SYNE3: variants seen among roughly 807,000 people sequenced by gnomAD.
SYNE3 encodes the protein nesprin-3.
A neutral mutation model predicts 111.2 loss-of-function variants in SYNE3; 100 were observed. That is an observed-to-expected ratio of 0.90 (90% CI 0.77 to 1.06). The LOEUF (loss-of-function observed/expected upper bound fraction) is 1.06, where lower values mean the gene tolerates loss of function less well. SYNE3 is among the 50% of genes least tolerant of loss of function. SYNE3 has a pLI of 0.00. For missense variants in SYNE3, 1,160 were observed against 1,240.3 expected (o/e 0.94, Z 0.97); for synonymous variants, 547 against 533.9 (o/e 1.02, Z -0.34).
chr14:95,507,877 A>G (rs919002044), intron 1 of SYNE3, among the ~76,000 whole-genome samples: 1 of 152,174 alleles, frequency 6.6e-6, no homozygotes, highest in African/African-American at 2.4e-5. Flanking sequence ...CAGAGAAGAC[A>G]GGGTAGGGTG....
chr14:95,452,847 G>C (rs568553758), intron 6 of SYNE3, among the ~76,000 whole-genome samples: 14 of 152,230 alleles, frequency 9.2e-5, no homozygotes, highest in Non-Finnish European at 1.3e-4. Flanking sequence ...CCGGACATCA[G>C]AGCAGGGCCT....
At chr14:95,511,792 C>A (rs1890731398) in intron 1 of SYNE3, among the ~76,000 whole-genome samples, 1 of 152,112 alleles carries the variant, frequency 6.6e-6, no homozygotes, top group African/African-American at 2.4e-5. Flanking sequence ...TACTTCCCGT[C>A]TCTCTCCCTG....
At chr14:95,430,851 T>C (rs1885720848) in intron 17 of SYNE3, among the ~76,000 whole-genome samples, 1 of 150,182 alleles carries the variant, frequency 6.7e-6, no homozygotes, top group Non-Finnish European at 1.5e-5. Flanking sequence ...CTCCATTTTA[T>C]AGATGGGGAA....
intron 16 of SYNE3, among the ~76,000 whole-genome samples, chr14:95,432,508 C>T (rs143135601): frequency 0.012 from 1,807 of 152,286 alleles, 21 homozygotes; most frequent in Admixed American, 0.029. Flanking sequence ...ACTTAGGGAC[C>T]TAGGAAACTT....
At chr14:95,421,745 C>T (rs1418467397) in intron 17 of SYNE3, among the ~76,000 whole-genome samples, 1 of 152,230 alleles carries the variant, frequency 6.6e-6, no homozygotes, top group Non-Finnish European at 1.5e-5. Flanking sequence ...ATCATCACCT[C>T]CAGTCCCATC....
rs766717375 is a variant in SYNE3 at position 95,417,999 on chromosome 14, G to T, written c.2755C>A (p.Leu919Ile). ...KTRRWRGLGS[L>I]FRRACCVALP... ...GCCACACAGCACGCCCTCCGGAAGA[G>T]GGAGCCCAGTCCTCGCCACCGCCGA... The change falls in exon 18 of 18, where the codon CTC becomes ATC. Residue 919 changes from leucine to isoleucine, a missense_variant. Transcript: ENST00000682763. 6.2e-7 allele frequency: 1 copy of T among 1,611,696 alleles called. No homozygotes were observed. Among genetic ancestry groups the T allele is most frequent in the Non-Finnish European group, 8.5e-7 (1 of 1,179,800 alleles).
rs888408204 is a variant in SYNE3 at position 95,416,203 on chromosome 14, G to C, written c.*1623C>G. ...GAAATGTCCTAGTTGCCTAGGACCC[G>C]GGTCCCCAAGGGCAGAGCTCACAGT... On this transcript the variant is annotated 3_prime_UTR_variant, in exon 18 of 18. Transcript: ENST00000682763. The C allele has an allele frequency of 6.6e-6, 1 of 152,110 alleles. No individual in the cohort carries two copies. The highest frequency in any genetic ancestry group is 2.4e-5 in the African/African-American group (1 of 41,404). The allele number at this position is 152,110 out of a possible 1,614,324, so 9.4% of individuals were successfully genotyped here.
intron 14 of SYNE3, chr14:95,438,789 G>GTGTAGATCTC: frequency 2.1e-6 from 1 of 471,980 alleles, no homozygotes; most frequent in Non-Finnish European, 3.8e-6. Flanking sequence ...GACTGGCTAA[G>GTGTAGATCTC]GGATACCCCT....
intron 1 of SYNE3, among the ~76,000 whole-genome samples, chr14:95,476,628 G>A (rs1849769017): frequency 6.6e-6 from 1 of 152,232 alleles, no homozygotes; most frequent in Non-Finnish European, 1.5e-5. Context: ...ATCCCAGTTA[G>A]TCCAGGCAAA....
At chr14:95,426,849 C>T (rs1445648810) in intron 17 of SYNE3, among the ~76,000 whole-genome samples, 3 of 144,246 alleles carry the variant, frequency 2.1e-5, no homozygotes, top group African/African-American at 5.1e-5. Flanking sequence ...GAGGCTGAGG[C>T]GGGAGAATGG....
At chr14:95,462,309 C>G (rs1454648799) in intron 4 of SYNE3, among the ~76,000 whole-genome samples, 1 of 152,286 alleles carries the variant, frequency 6.6e-6, no homozygotes, top group South Asian at 2.1e-4. Flanking sequence ...AAGAGCTGAC[C>G]GGGCTCCCTG....
In SYNE3 at chr14:95,470,046, G is replaced by A. The variant is rs1888431425; in HGVS notation, c.145-2079C>T. Among the ~76,000 whole-genome samples, 3 of 152,336 alleles carry A rather than the reference G, an allele frequency of 2.0e-5. No individual in the cohort carries two copies. The South Asian group carries it at 6.2e-4, about 32-fold the overall frequency. ...AAGAATGGGGAGATTCCTCAAGAGA[G>A]GGAAAGAGGGTTTGTTTGGCCAAGT... On this transcript the variant is annotated intron_variant, in intron 2 of 17. Coordinates refer to ENST00000682763, the MANE Select transcript of SYNE3 (RefSeq NM_152592.6). This position sits in a 1 kb window ranked among gnomAD's most constrained non-coding sequence, Gnocchi z 4.2.
In SYNE3 at chr14:95,455,540, C is replaced by T. The variant is rs746767888; in HGVS notation, c.974G>A (p.Gly325Asp). 19 of 1,613,760 alleles carry T rather than the reference C, an allele frequency of 1.2e-5. No individual in the cohort carries two copies. Among genetic ancestry groups the T allele is most frequent in the Non-Finnish European group, 1.6e-5 (19 of 1,179,952 alleles). The change falls in exon 6 of 18, where the codon GGC becomes GAC. Residue 325 changes from glycine to aspartate, a missense_variant. Transcript: ENST00000682763. ...LWEEEEERLR[G>D]LLRSRGAWEQ... is the part of the protein sequence containing the mutation. ...CCAGGCTCCCCTGGACCGGAGCAGG[C>T]CCCGCAGCCGCTCCTCCTCCTCCTC... is the stretch of plus-strand genomic sequence containing the variant.
At chr14:95,421,336 G>A (rs1885112484) in intron 17 of SYNE3, among the ~76,000 whole-genome samples, 1 of 152,152 alleles carries the variant, frequency 6.6e-6, no homozygotes, top group Admixed American at 6.5e-5. Flanking sequence ...GGTCTTACAT[G>A]ATGAATCTGA....
At chr14:95,488,327 G>A (rs982467519) in intron 1 of SYNE3, among the ~76,000 whole-genome samples, 6 of 152,132 alleles carry the variant, frequency 3.9e-5, no homozygotes, top group African/African-American at 4.8e-5. Context: ...CATCCATGTC[G>A]TTGCCTGTAT....
chr14:95,419,151 AG>A (rs1461228641), intron 17 of SYNE3, among the ~76,000 whole-genome samples: 1 of 152,162 alleles, frequency 6.6e-6, no homozygotes, highest in Non-Finnish European at 1.5e-5. Flanking sequence ...CAAGGAGTGC[AG>A]GGGCAAGAGC....
intron 1 of SYNE3, among the ~76,000 whole-genome samples, chr14:95,478,301 C>T (rs377285032): frequency 6.6e-6 from 1 of 152,196 alleles, no homozygotes; most frequent in Non-Finnish European, 1.5e-5. Context: ...CACTATCTTA[C>T]TCTAAAGAAG....
Position 95,417,730 on chromosome 14 carries a change from C to T in SYNE3, c.*96G>A, listed in dbSNP as rs1033761759. The T allele has an allele frequency of 7.5e-7, 1 of 1,335,358 alleles. No homozygotes were observed. Among genetic ancestry groups the T allele is most frequent in the Non-Finnish European group, 1.1e-6 (1 of 929,006 alleles). The allele number at this position is 1,335,358 out of a possible 1,614,324, so 82.7% of individuals were successfully genotyped here. On this transcript the variant is annotated 3_prime_UTR_variant, in exon 18 of 18. Coordinates refer to ENST00000682763, the MANE Select transcript of SYNE3 (RefSeq NM_152592.6). ...TGGATGCAGCTCTGCAGTCTTTGCC[C>T]TGCCCCTGTTTCCAGTTTCCCTGGC...
At chr14:95,422,008 T>C (rs914814239) in intron 17 of SYNE3, among the ~76,000 whole-genome samples, 5 of 152,222 alleles carry the variant, frequency 3.3e-5, no homozygotes, top group Non-Finnish European at 7.3e-5. Flanking sequence ...TTAAGATCTG[T>C]GCTGCCCTTA....
Sources: gnomAD v4.1 joint callset for allele counts (sites outside exome capture counted in the v4.1 genomes callset) on GRCh38, gnomAD v4.1.1 for gene constraint, Gnocchi (gnomAD v3.1) non-coding constraint, MANE v1.5 for transcripts, NCBI Gene and HGNC (gene_info 2026-07-23, HGNC 2026-07-21) for gene names.